The following THADA variants were observed in gnomAD, a reference collection of about 807,000 sequenced individuals.
THADA encodes the protein THADA armadillo repeat containing.
In THADA, 213 loss-of-function variants were observed where a neutral mutation model predicts 219.8. The ratio of observed to expected loss-of-function variants is 0.97; its 90% CI spans 0.87 to 1.09. THADA has a LOEUF of 1.09. Ranked by LOEUF, THADA falls within the 50% of genes least tolerant of loss-of-function variation. THADA has a pLI of 0.00. For synonymous variants in THADA, 1,018 were observed against 828.9 expected, an observed-to-expected ratio of 1.23 and a Z score of -3.92; for missense variants, 2,956 against 2,311.3, an observed-to-expected ratio of 1.28 and a Z score of -5.72.
chr2:43,379,352 C>T (rs1483161584), intron 29 of THADA, among the ~76,000 whole-genome samples: 1 of 151,448 alleles, frequency 6.6e-6, no homozygotes, highest in African/African-American at 2.4e-5. Flanking sequence ...GGAAAGAAAA[C>T]AAGAAGCAAA....
intron 30 of THADA, among the ~76,000 whole-genome samples, chr2:43,322,674 C>CTTTTTTTTTTTTT (rs34557514): frequency 3.6e-5 from 2 of 54,826 alleles, no homozygotes; most frequent in African/African-American, 8.5e-5. Flanking sequence ...ACATTCTATT[C>CTTTTTTTTTTTTT]TTTTTTTTTT....
At chr2:43,328,531 C>T (rs1010120209) in intron 30 of THADA, among the ~76,000 whole-genome samples, 3 of 152,140 alleles carry the variant, frequency 2.0e-5, no homozygotes, top group Non-Finnish European at 4.4e-5. Context: ...GGTGGTGGAC[C>T]AACTTATACG....
rs564043783 is a variant in THADA, at chr2:43,285,408, C to G, written c.5164+1500G>C. 2.0e-5 allele frequency among the ~76,000 whole-genome samples: 3 copies of G among 152,296 alleles called. No individual in the cohort carries two copies. In the South Asian group the frequency reaches 6.2e-4, roughly 32 times the overall value. Reference sequence around the variant, plus strand: ...TGTGTGGCACTTCTTCCTGCTCTCTCTCTCTCCTGCCACCATGTGAAGAAG... The same window carrying G: ...TGTGTGGCACTTCTTCCTGCTCTCTGTCTCTCCTGCCACCATGTGAAGAAG... On this transcript the variant is annotated intron_variant, in intron 35 of 37. Transcript: ENST00000405975.
intron 29 of THADA, among the ~76,000 whole-genome samples, chr2:43,374,904 A>G (rs1005999354): frequency 6.6e-6 from 1 of 152,192 alleles, no homozygotes; most frequent in African/African-American, 2.4e-5. Flanking sequence ...CAACTGGTGT[A>G]TGAATAAACA....
chr2:43,582,222 C>T (rs958283322), intron 7 of THADA, among the ~76,000 whole-genome samples: 21 of 152,230 alleles, frequency 1.4e-4, no homozygotes, highest in Admixed American at 9.2e-4. Context: ...TCAGTCTGGG[C>T]GAAGTGGCTC....
chr2:43,240,696 G>A (rs72613899), intron 36 of THADA, among the ~76,000 whole-genome samples: 24,330 of 152,172 alleles, frequency 0.16, 2,039 homozygotes, highest in South Asian at 0.27. Context: ...GACCCCTACT[G>A]GAGACAAATG....
intron 26 of THADA, among the ~76,000 whole-genome samples, chr2:43,465,121 C>G (rs553545960): frequency 6.6e-5 from 10 of 152,224 alleles, no homozygotes; most frequent in Non-Finnish European, 1.5e-4. Flanking sequence ...CTTCTCTACA[C>G]TATGTAAAGC....
chr2:43,545,946 G>C (rs1380806514), intron 20 of THADA, among the ~76,000 whole-genome samples: 1 of 151,676 alleles, frequency 6.6e-6, no homozygotes, highest in African/African-American at 2.4e-5. Flanking sequence ...TGCTTTTCTA[G>C]TTCTTTTAAT....
chr2:43,322,485 CAG>C (rs1431726611), intron 30 of THADA, among the ~76,000 whole-genome samples: 6 of 151,488 alleles, frequency 4.0e-5, no homozygotes, highest in African/African-American at 1.5e-4. Context: ...GCCTGGGTGA[CAG>C]AGTGAGACTC....
At position 43,353,550 on chromosome 2, in the gene THADA, C is replaced by T. The variant is rs942042614; in HGVS notation, c.4228-9313G>A. 3.9e-5 allele frequency among the ~76,000 whole-genome samples: 6 copies of T among 152,138 alleles called. 1 individual carries two copies. Among genetic ancestry groups the T allele is most frequent in the African/African-American group, 1.4e-4 (6 of 41,420 alleles). ...TTTTTAAATTGGGTTATATATTTTC[C>T]TGCTGAGTTGTATGAGTTACTCATA... On this transcript the variant is annotated intron_variant, in intron 29 of 37. Transcript: ENST00000405975.
intron 30 of THADA, among the ~76,000 whole-genome samples, chr2:43,333,851 G>C (rs1666076770): frequency 1.3e-5 from 2 of 152,200 alleles, no homozygotes; most frequent in African/African-American, 2.4e-5. Flanking sequence ...TTCTTCAGGA[G>C]GGGACCAGCC....
At chr2:43,326,456 G>A (rs1010636436) in intron 30 of THADA, among the ~76,000 whole-genome samples, 9 of 152,192 alleles carry the variant, frequency 5.9e-5, no homozygotes, top group Non-Finnish European at 1.5e-5. Context: ...GAATTGGAAT[G>A]GCAGAGGTGG....
At chr2:43,270,458 G>A (rs972518649) in intron 36 of THADA, among the ~76,000 whole-genome samples, 5 of 152,166 alleles carry the variant, frequency 3.3e-5, no homozygotes, top group Non-Finnish European at 1.5e-5. Context: ...TGACTCCAGT[G>A]TCTTCTTTCA....
rs542526131 is a variant in THADA at position 43,322,534 on chromosome 2, C to CA, written c.4344-1995dup. ...TAAATAAATAAATAGGTAACACATG[C>CA]AAAAATAATTGAAAAAGCACAAAAG... On this transcript the variant is annotated intron_variant, in intron 30 of 37. Transcript: ENST00000405975. 2.6e-4 allele frequency among the ~76,000 whole-genome samples: 37 copies of CA among 144,736 alleles called. No homozygotes were observed. The East Asian group carries it at 6.9e-3, about 27-fold the overall frequency. 95.0% of individuals were successfully genotyped at this position (144,736 alleles called of 152,430 possible).
In THADA at chr2:43,595,980, C is replaced by G. The variant is rs890432563; in HGVS notation, c.-74G>C. On this transcript the variant is annotated 5_prime_UTR_variant, in exon 1 of 38. Coordinates refer to ENST00000405975, the MANE Select transcript of THADA (RefSeq NM_022065.5). ...GAGTCGCAGGCGCCTGGTCCAGTCC[C>G]GGAAGCAGGTCTCCTTCTACGGCGT... The G allele has an allele frequency of 6.6e-6, 1 of 152,378 alleles. No homozygotes were observed. The highest frequency in any genetic ancestry group is 6.5e-5 in the Admixed American group (1 of 15,280). 9.4% of individuals were successfully genotyped at this position (152,378 alleles called of 1,614,324 possible).
chr2:43,515,246 TA>T, intron 22 of THADA, among the ~76,000 whole-genome samples: 1 of 58,542 alleles, frequency 1.7e-5, no homozygotes, highest in South Asian at 5.1e-4. Flanking sequence ...ATATATAATA[TA>T]TTATATATAA....
chr2:43,582,876 G>A (rs998973528), intron 7 of THADA, among the ~76,000 whole-genome samples: 1 of 150,380 alleles, frequency 6.6e-6, no homozygotes, highest in Non-Finnish European at 1.5e-5. Context: ...GCCTCTCCCT[G>A]ACTTCTAAAA....
In THADA at chr2:43,297,507, AG is replaced by A. The variant is rs1244295143; in HGVS notation, c.4439-4295del. Among the ~76,000 whole-genome samples the A allele has an allele frequency of 4.5e-4, 44 of 97,970 alleles. 2 individuals carry two copies. Among genetic ancestry groups the A allele is most frequent in the Non-Finnish European group, 8.0e-4 (41 of 51,398 alleles). The allele number at this position is 97,970 out of a possible 152,430, so 64.3% of individuals were successfully genotyped here. On this transcript the variant is annotated intron_variant, in intron 31 of 37. Coordinates refer to ENST00000405975, the MANE Select transcript of THADA (RefSeq NM_022065.5). Reference sequence around the variant, plus strand: ...CCATCCGGGAGGGAGGTGGGCGGTCAGCCCCCCCGCCCGGCCAGCCGTGCCG... The same window carrying A: ...CCATCCGGGAGGGAGGTGGGCGGTCACCCCCCCGCCCGGCCAGCCGTGCCG...
At chr2:43,478,898 G>A (rs1166729980) in intron 26 of THADA, among the ~76,000 whole-genome samples, 1 of 152,094 alleles carries the variant, frequency 6.6e-6, no homozygotes, top group Non-Finnish European at 1.5e-5. Flanking sequence ...TCTCTAATAG[G>A]CCAAAGTGTC....
Sources: allele counts gnomAD v4.1 joint callset (sites outside exome capture counted in the v4.1 genomes callset), GRCh38; gene constraint gnomAD v4.1.1; transcripts MANE v1.5; gene names NCBI Gene and HGNC (gene_info 2026-07-23, HGNC 2026-07-21).